Variants in SGPP2 observed in about 807,000 individuals in gnomAD.
SGPP2 encodes the protein sphingosine-1-phosphate phosphatase 2.
SGPP2 carries 30 observed loss-of-function variants against 33.9 expected under a neutral mutation model. The observed-to-expected ratio is 0.89, with a 90% CI of 0.66 to 1.20. SGPP2 has a LOEUF of 1.20. Among genes scored for constraint, SGPP2 ranks in the 50% most tolerant of loss-of-function variants. SGPP2 has a pLI of 0.00. For synonymous variants in SGPP2, 233 were observed against 225.0 expected, an observed-to-expected ratio of 1.04 and a Z score of -0.32; for missense variants, 458 against 532.1, an observed-to-expected ratio of 0.86 and a Z score of 1.37.
rs1689299228 is a variant in SGPP2, at chr2:222,551,768, C to T, written c.649-6579C>T. Among the ~76,000 whole-genome samples, 3 of 152,098 alleles carry T rather than the reference C, an allele frequency of 2.0e-5. 1 individual carries two copies. In the South Asian group the frequency reaches 6.2e-4, roughly 32 times the overall value. ...AATTCATTTATAAAAAATATTTCAA[C>T]CAGATGTCTGAGAATTTGGTTACAA... On this transcript the variant is annotated intron_variant, in intron 4 of 4. Transcript: ENST00000321276.
At chr2:222,508,607 A>G (rs1698480681) in intron 2 of SGPP2, among the ~76,000 whole-genome samples, 1 of 152,246 alleles carries the variant, frequency 6.6e-6, no homozygotes, top group Non-Finnish European at 1.5e-5. Context: ...GCATATACAT[A>G]CATCTGTGAT....
At chr2:222,506,892 A>T (rs918289288) in intron 2 of SGPP2, among the ~76,000 whole-genome samples, 3 of 151,734 alleles carry the variant, frequency 2.0e-5, no homozygotes, top group Non-Finnish European at 4.4e-5. Flanking sequence ...TATATATATT[A>T]AAAAAAAGAA....
intron 1 of SGPP2, among the ~76,000 whole-genome samples, chr2:222,435,057 T>C (rs1054766645): frequency 9.9e-5 from 15 of 151,112 alleles, no homozygotes; most frequent in African/African-American, 3.6e-4. Flanking sequence ...TATACACACA[T>C]ATACACATAT....
chr2:222,535,638 G>A (rs891794627), intron 4 of SGPP2, among the ~76,000 whole-genome samples: 1 of 152,328 alleles, frequency 6.6e-6, no homozygotes, highest in African/African-American at 2.4e-5. Context: ...GAAGCCACTC[G>A]CATCCTTTCT....
At chr2:222,468,360 A>T (rs1231378209) in intron 1 of SGPP2, among the ~76,000 whole-genome samples, 1 of 150,848 alleles carries the variant, frequency 6.6e-6, no homozygotes, top group Non-Finnish European at 1.5e-5. Context: ...GTAACATTTT[A>T]TTTAATGAGC....
chr2:222,428,802 T>C (rs980684932), intron 1 of SGPP2, among the ~76,000 whole-genome samples: 2 of 144,554 alleles, frequency 1.4e-5, no homozygotes, highest in African/African-American at 5.2e-5. Flanking sequence ...TTTTTTTTTT[T>C]TTTTTTTGAG....
At chr2:222,526,903 T>C (rs1276040756) in intron 4 of SGPP2, among the ~76,000 whole-genome samples, 21 of 152,070 alleles carry the variant, frequency 1.4e-4, no homozygotes, top group Admixed American at 1.4e-3. Context: ...GGATGGTCAA[T>C]AGGTGCAGCA....
intron 2 of SGPP2, among the ~76,000 whole-genome samples, chr2:222,517,258 C>G (rs908828734): frequency 6.6e-6 from 1 of 152,218 alleles, no homozygotes; most frequent in Admixed American, 6.5e-5. Flanking sequence ...TTCTCACCCC[C>G]CTATCCTGTA....
chr2:222,549,883 C>CTTTTCTT (rs1553542296), intron 4 of SGPP2, among the ~76,000 whole-genome samples: 1 of 137,656 alleles, frequency 7.3e-6, no homozygotes, highest in African/African-American at 2.7e-5. Flanking sequence ...CTTTTCTTTT[C>CTTTTCTT]TTTTTTTTTT....
At chr2:222,515,109 G>T (rs1335017399) in intron 2 of SGPP2, among the ~76,000 whole-genome samples, 1 of 150,300 alleles carries the variant, frequency 6.7e-6, no homozygotes, top group Non-Finnish European at 1.5e-5. Context: ...CCTGGATTTT[G>T]CAATATTATC....
At chr2:222,469,816 A>G (rs1470690684) in intron 1 of SGPP2, among the ~76,000 whole-genome samples, 3 of 152,224 alleles carry the variant, frequency 2.0e-5, no homozygotes, top group African/African-American at 7.2e-5. Context: ...GTGTTGTTTT[A>G]TGTTTTAGTG....
chr2:222,509,130 G>GA (rs58850832), intron 2 of SGPP2, among the ~76,000 whole-genome samples: 21 of 145,868 alleles, frequency 1.4e-4, no homozygotes, highest in African/African-American at 3.3e-4. Context: ...ATTCCAAGGA[G>GA]AAAAAAAAAA....
intron 1 of SGPP2, among the ~76,000 whole-genome samples, chr2:222,436,660 G>A (rs1001907953): frequency 6.6e-6 from 1 of 152,128 alleles, no homozygotes; most frequent in African/African-American, 2.4e-5. Flanking sequence ...ATACTATGAC[G>A]GTAGATAAGG....
At chr2:222,434,303 C>A (rs1220401971) in intron 1 of SGPP2, among the ~76,000 whole-genome samples, 1 of 152,142 alleles carries the variant, frequency 6.6e-6, no homozygotes, top group African/African-American at 2.4e-5. Flanking sequence ...TTATAATTGA[C>A]ACATAATAAT....
intron 2 of SGPP2, among the ~76,000 whole-genome samples, chr2:222,484,188 C>A (rs949327379): frequency 4.6e-5 from 7 of 152,162 alleles, no homozygotes; most frequent in Non-Finnish European, 7.3e-5. Context: ...TATCAACCAT[C>A]TTTACCAGAA....
chr2:222,556,356 G>A (rs1360867087), intron 4 of SGPP2, among the ~76,000 whole-genome samples: 1 of 151,958 alleles, frequency 6.6e-6, no homozygotes, highest in Non-Finnish European at 1.5e-5. Context: ...GAGGGGAACT[G>A]AAGTGCGTAC....
intron 1 of SGPP2, among the ~76,000 whole-genome samples, chr2:222,474,338 T>C (rs1283513951): frequency 6.6e-6 from 1 of 152,210 alleles, no homozygotes; most frequent in Non-Finnish European, 1.5e-5. Flanking sequence ...CTTCTCCTGG[T>C]ACTTCTGTCT....
chr2:222,503,685 G>A (rs1698400389), intron 2 of SGPP2, among the ~76,000 whole-genome samples: 1 of 152,086 alleles, frequency 6.6e-6, no homozygotes, highest in Non-Finnish European at 1.5e-5. Flanking sequence ...TTTCTTGATG[G>A]CAGCAATGGT....
chr2:222,479,621 T>C (rs184288673), intron 2 of SGPP2, among the ~76,000 whole-genome samples: 74 of 151,968 alleles, frequency 4.9e-4, no homozygotes, highest in African/African-American at 1.3e-3. Flanking sequence ...GCCAGGATGG[T>C]CTCGATCTCC....
Sources: allele counts gnomAD v4.1 joint callset (sites outside exome capture counted in the v4.1 genomes callset), GRCh38; gene constraint gnomAD v4.1.1; transcripts MANE v1.5; gene names NCBI Gene and HGNC (gene_info 2026-07-23, HGNC 2026-07-21).